ZNF638: variants seen among roughly 807,000 people sequenced by gnomAD.
The protein encoded by ZNF638 is zinc finger protein 638.
In ZNF638, 46 loss-of-function variants were observed where a neutral mutation model predicts 195.6. The observed-to-expected ratio is 0.24, with a 90% CI of 0.19 to 0.30. The LOEUF is 0.30. Ranked by LOEUF, ZNF638 falls within the 10% of genes least tolerant of loss-of-function variation. The pLI is 1.00. For synonymous variants in ZNF638, 845 were observed against 772.0 expected (o/e 1.09, Z -1.57); for missense variants, 2,440 against 2,325.3 (o/e 1.05, Z -1.01).
intron 1 of ZNF638, among the ~76,000 whole-genome samples, chr2:71,342,691 T>C (rs2078782821): frequency 6.6e-6 from 1 of 152,124 alleles, no homozygotes; most frequent in Admixed American, 6.5e-5. Context: ...TGCGTGTGTG[T>C]GTGTGTCTTG....
chr2:71,348,726 A>T lies in ZNF638; in HGVS notation c.-202-27A>T, dbSNP rs773827482. The T allele has an allele frequency of 1.8e-5, 27 of 1,495,516 alleles. No individual in the cohort carries two copies. In the South Asian group the frequency reaches 3.1e-4, roughly 17 times the overall value. The allele number at this position is 1,495,516 out of a possible 1,614,324, so 92.6% of individuals were successfully genotyped here. A position where few individuals can be genotyped will look rare whatever the true frequency, so the allele number is the denominator to read the frequency against. ...TCATGAAGTAGTTTGAGTTAAAATG[A>T]TCTAATATTTGTGTTTTAACTTTCA... On this transcript the variant is annotated intron_variant, in intron 1 of 27. Transcript: ENST00000264447.
chr2:71,410,977 A>ACCC (rs1385563930), intron 20 of ZNF638, among the ~76,000 whole-genome samples: 16 of 43,056 alleles, frequency 3.7e-4, no homozygotes, highest in African/African-American at 8.1e-4. Context: ...CTCCCCACCC[A>ACCC]CCACCTCCCC....
intron 8 of ZNF638, chr2:71,375,644 C>T (rs1573074134): frequency 6.6e-6 from 1 of 152,136 alleles, no homozygotes; most frequent in African/African-American, 2.4e-5. Flanking sequence ...AGAACTTAAA[C>T]TTTATCCTGT....
intron 12 of ZNF638, among the ~76,000 whole-genome samples, 167 bp downstream of exon 12, chr2:71,398,939 A>ATAT (rs1232614321): frequency 6.6e-6 from 1 of 152,184 alleles, no homozygotes; most frequent in African/African-American, 2.4e-5. Context: ...ATAGGCAGAT[A>ATAT]TATTTTTGTG....
chr2:71,422,328 A>T (rs1376608007), intron 21 of ZNF638, among the ~76,000 whole-genome samples: 1 of 152,134 alleles, frequency 6.6e-6, no homozygotes, highest in East Asian at 1.9e-4. Context: ...GATATGATTT[A>T]GAGTATGGTC....
At position 71,348,950 on chromosome 2, in the gene ZNF638, T is replaced by C; in HGVS notation, c.-5T>C. 6.2e-7 allele frequency: 1 copy of C among 1,614,094 alleles called. No individual in the cohort carries two copies. The highest frequency in any genetic ancestry group is 8.5e-7 in the Non-Finnish European group (1 of 1,180,006). On this transcript the variant is annotated 5_prime_UTR_variant, in exon 2 of 28. Transcript: ENST00000264447. ...TTATTAAATCAGGCTTTCTTGAAAA[T>C]AGCCATGTCGAGACCCAGGTTTAAT... is the stretch of plus-strand genomic sequence containing the variant.
At chr2:71,369,318 G>A (rs914927252) in intron 7 of ZNF638, among the ~76,000 whole-genome samples, 8 of 96,704 alleles carry the variant, frequency 8.3e-5, no homozygotes, top group Admixed American at 1.4e-4. Context: ...GTAAGGCTCC[G>A]TCTCAAAAAA....
chr2:71,347,552 T>C (rs539156436), intron 1 of ZNF638, among the ~76,000 whole-genome samples: 112 of 152,338 alleles, frequency 7.4e-4, no homozygotes, highest in African/African-American at 2.3e-3. Flanking sequence ...CAATTGTAGA[T>C]GCCTCAAGAC....
chr2:71,404,588 A>G (rs901445825), intron 17 of ZNF638, among the ~76,000 whole-genome samples: 1 of 152,068 alleles, frequency 6.6e-6, no homozygotes, highest in African/African-American at 2.4e-5. Flanking sequence ...CTGAAGGCGC[A>G]CACCCGTGGT....
At chr2:71,388,658 G>C in intron 10 of ZNF638, 1 of 948,636 alleles carries the variant, frequency 1.1e-6, no homozygotes. Flanking sequence ...GGTGCCCCTC[G>C]TGAGGAACAC....
At chr2:71,397,928 A>G (rs183653590) in intron 11 of ZNF638, among the ~76,000 whole-genome samples, 2 of 152,348 alleles carry the variant, frequency 1.3e-5, no homozygotes, top group South Asian at 2.1e-4. Context: ...CAATCTTTAT[A>G]TGACCTGACT....
At chr2:71,380,713 G>A (rs1424608665) in intron 10 of ZNF638, 148 bp downstream of exon 10, 6 of 530,872 alleles carry the variant, frequency 1.1e-5, no homozygotes, top group East Asian at 3.2e-5. Flanking sequence ...TTAAGCAGGC[G>A]GTTAATATTT....
At chr2:71,395,201 T>C (rs770301894) in intron 10 of ZNF638, 8 of 716,964 alleles carry the variant, frequency 1.1e-5, no homozygotes, top group Admixed American at 6.0e-5. Context: ...GAAAAAAATA[T>C]TACTAATTAT....
At chr2:71,424,777 C>T in intron 23 of ZNF638, 62 bp downstream of exon 23, 1 of 1,339,088 alleles carries the variant, frequency 7.5e-7, no homozygotes, top group Non-Finnish European at 1.0e-6. Flanking sequence ...GTTCATCTAT[C>T]TTATAACTTG....
intron 1 of ZNF638, among the ~76,000 whole-genome samples, chr2:71,342,809 C>A (rs1374421690): frequency 6.6e-6 from 1 of 152,134 alleles, no homozygotes; most frequent in African/African-American, 2.4e-5. Flanking sequence ...CACTTTTTTT[C>A]TGTCTTCATA....
intron 8 of ZNF638, chr2:71,375,952 A>G (rs932629012): frequency 2.6e-5 from 4 of 152,218 alleles, no homozygotes; most frequent in African/African-American, 9.6e-5. Flanking sequence ...GACCTAGCTG[A>G]TCATTAAATT....
intron 3 of ZNF638, among the ~76,000 whole-genome samples, chr2:71,356,633 TA>T (rs1319392019): frequency 6.6e-6 from 1 of 151,696 alleles, no homozygotes; most frequent in Non-Finnish European, 1.5e-5. Flanking sequence ...AAAATAAAAA[TA>T]AAAAAATCAG....
At chr2:71,334,025 CT>C (rs1438155249) in intron 1 of ZNF638, among the ~76,000 whole-genome samples, 1 of 152,200 alleles carries the variant, frequency 6.6e-6, no homozygotes, top group African/African-American at 2.4e-5. Context: ...TCTAATCTAA[CT>C]TTCATTAAAA....
In ZNF638 at chr2:71,336,093, G is replaced by A. The variant is rs191403486; in HGVS notation, c.-203+4218G>A. Among the ~76,000 whole-genome samples, 161 of 152,124 alleles carry A rather than the reference G, an allele frequency of 1.1e-3. 1 individual carries two copies. The highest frequency in any genetic ancestry group is 1.6e-3 in the Non-Finnish European group (112 of 67,990). On this transcript the variant is annotated intron_variant, in intron 1 of 27. Transcript: ENST00000264447. ...CTTTAAAAATGTACTTGATAAGGCC[G>A]GGGCACGGTGGCTCACGCCTGTAAT...
Sources: gnomAD v4.1 joint callset for allele counts (sites outside exome capture counted in the v4.1 genomes callset) on GRCh38, gnomAD v4.1.1 for gene constraint, MANE v1.5 for transcripts, NCBI Gene and HGNC (gene_info 2026-07-23, HGNC 2026-07-21) for gene names.